Variants in PLCG2 observed in about 807,000 individuals in gnomAD.
PLCG2 encodes phospholipase C gamma 2, also known as 1-phosphatidylinositol 4,5-bisphosphate phosphodiesterase gamma-2.
Under a neutral mutation model 175.6 loss-of-function variants are expected in PLCG2, and 69 were observed. The observed-to-expected ratio is 0.39, with a 90% confidence interval of 0.32 to 0.48. PLCG2 has a LOEUF of 0.48. PLCG2 is among the 20% of genes least tolerant of loss of function. The pLI is 0.91. For missense variants in PLCG2, 1,798 were observed against 1,650.9 expected (o/e 1.09, Z -1.54); for synonymous variants, 827 against 624.0 (o/e 1.33, Z -4.85).
At chr16:81,874,699 C>T (rs7200626) in intron 7 of PLCG2, among the ~76,000 whole-genome samples, 84,582 of 151,938 alleles carry the variant, frequency 0.56, 23,987 homozygotes, top group Middle Eastern at 0.63. Context: ...TGCTTATCAG[C>T]AGCCAAATGG....
At chr16:81,906,859 G>A (rs985240685) in intron 15 of PLCG2, among the ~76,000 whole-genome samples, 1 of 152,112 alleles carries the variant, frequency 6.6e-6, no homozygotes, top group Non-Finnish European at 1.5e-5. Flanking sequence ...CTAACATGGC[G>A]AATCCCCGTC....
At chr16:81,822,481 G>T (rs1376506278) in intron 2 of PLCG2, among the ~76,000 whole-genome samples, 1 of 152,160 alleles carries the variant, frequency 6.6e-6, no homozygotes, top group Non-Finnish European at 1.5e-5. Flanking sequence ...GCGGGGCTGG[G>T]GGCAGTGGCT....
At chr16:81,846,945 G>T (rs1567495567) in intron 2 of PLCG2, among the ~76,000 whole-genome samples, 1 of 152,044 alleles carries the variant, frequency 6.6e-6, no homozygotes, top group East Asian at 1.9e-4. Context: ...CACCAGTTTG[G>T]TGTCCTCTAG....
chr16:81,818,462 C>T (rs1211342874), intron 2 of PLCG2, among the ~76,000 whole-genome samples: 1 of 152,134 alleles, frequency 6.6e-6, no homozygotes, highest in African/African-American at 2.4e-5. Flanking sequence ...CCAGGTAGAC[C>T]ATAGATGCTG....
At chr16:81,805,323 C>T (rs1169418580) in intron 2 of PLCG2, among the ~76,000 whole-genome samples, 1 of 151,916 alleles carries the variant, frequency 6.6e-6, no homozygotes, top group Non-Finnish European at 1.5e-5. Flanking sequence ...CACGGTGAAA[C>T]TCTGTCTCTA....
At chr16:81,868,530 G>A (rs1310182512) in intron 5 of PLCG2, among the ~76,000 whole-genome samples, 1 of 152,206 alleles carries the variant, frequency 6.6e-6, no homozygotes, top group Non-Finnish European at 1.5e-5. Context: ...GGCAGGTAGA[G>A]TCAGTAGGAG....
At chr16:81,887,112 A>T (rs1403927467) in intron 9 of PLCG2, among the ~76,000 whole-genome samples, 1 of 151,806 alleles carries the variant, frequency 6.6e-6, no homozygotes, top group Non-Finnish European at 1.5e-5. Context: ...TTGGCCAGGC[A>T]AAGTTGTTTT....
At chr16:81,918,601 G>T (rs1005540062) in intron 19 of PLCG2, among the ~76,000 whole-genome samples, 1 of 152,034 alleles carries the variant, frequency 6.6e-6, no homozygotes, top group Non-Finnish European at 1.5e-5. Context: ...TGTTCCACTG[G>T]TCTGTGTGTC....
At chr16:81,928,481 CG>C in intron 23 of PLCG2, 76 bp from the exon 24 acceptor site, 1 of 895,848 alleles carries the variant, frequency 1.1e-6, no homozygotes, top group Non-Finnish European at 1.9e-6. Context: ...CTCTGCTAAA[CG>C]GTGTGCTTTG....
chr16:81,739,526 G>C (rs1909536802), intron 1 of PLCG2: 1 of 152,250 alleles, frequency 6.6e-6, no homozygotes, highest in Non-Finnish European at 1.5e-5. Context: ...TGCTGAGGAT[G>C]GGTCACCTGA....
Position 81,959,940 on chromosome 16 carries a change from A to C in PLCG2, c.*1942A>C, listed in dbSNP as rs1911719840. 1 of 200,842 alleles carries C rather than the reference A, an allele frequency of 5.0e-6. No individual in the cohort carries two copies. The highest frequency in any genetic ancestry group is 1.0e-5 in the Non-Finnish European group (1 of 97,478). 12.4% of individuals were successfully genotyped at this position (200,842 alleles called of 1,614,324 possible). A position where few individuals can be genotyped will look rare whatever the true frequency, so the allele number is the denominator to read the frequency against. ...AAGGCCTGCATCCCCTTTCTGCCCA[A>C]ATGGGTTTTTTGCTACCATATCAAA... On this transcript the variant is annotated 3_prime_UTR_variant, in exon 33 of 33. Transcript: ENST00000564138.
intron 2 of PLCG2, among the ~76,000 whole-genome samples, chr16:81,826,957 T>C (rs1482375909): frequency 6.6e-6 from 1 of 152,220 alleles, no homozygotes; most frequent in Non-Finnish European, 1.5e-5. Context: ...GTGGATCCGA[T>C]GAGATGACTG....
intron 19 of PLCG2, among the ~76,000 whole-genome samples, chr16:81,915,922 C>G (rs960986508): frequency 6.6e-6 from 1 of 152,182 alleles, no homozygotes; most frequent in African/African-American, 2.4e-5. Context: ...TGTGGTCCTT[C>G]TAATCTCAGT....
At chr16:81,796,970 C>T (rs942877447) in intron 2 of PLCG2, among the ~76,000 whole-genome samples, 5 of 152,200 alleles carry the variant, frequency 3.3e-5, no homozygotes, top group African/African-American at 1.2e-4. Context: ...GATTGACCTA[C>T]CCATTCAGCC....
chr16:81,913,368 TC>T (rs1202843723), intron 19 of PLCG2, among the ~76,000 whole-genome samples: 1 of 152,224 alleles, frequency 6.6e-6, no homozygotes, highest in African/African-American at 2.4e-5. Context: ...CAAGGCCTCA[TC>T]TGATTGAATC....
intron 1 of PLCG2, among the ~76,000 whole-genome samples, chr16:81,784,777 C>G (rs183213496): frequency 5.3e-5 from 8 of 152,066 alleles, no homozygotes; most frequent in Admixed American, 5.2e-4. Flanking sequence ...GGAAATGAGC[C>G]CAGAGGATCT....
chr16:81,825,845 C>G (rs1381821548), intron 2 of PLCG2, among the ~76,000 whole-genome samples: 3 of 152,136 alleles, frequency 2.0e-5, no homozygotes, highest in Admixed American at 2.0e-4. Context: ...TTCAGGGGTT[C>G]AAGTCTTAGG....
At chr16:81,808,145 G>T (rs1166812065) in intron 2 of PLCG2, among the ~76,000 whole-genome samples, 1 of 150,936 alleles carries the variant, frequency 6.6e-6, no homozygotes, top group African/African-American at 2.4e-5. Context: ...CTTTCTCTTG[G>T]GTGTACACCT....
chr16:81,907,542 C>T, intron 15 of PLCG2, 143 bp from the exon 16 acceptor site: 2 of 535,342 alleles, frequency 3.7e-6, no homozygotes, highest in Non-Finnish European at 3.4e-6. Context: ...GAATTGAATT[C>T]AGAGAATTCG....
Sources: allele counts gnomAD v4.1 joint callset (sites outside exome capture counted in the v4.1 genomes callset), GRCh38; gene constraint gnomAD v4.1.1; transcripts MANE v1.5; gene names NCBI Gene and HGNC (gene_info 2026-07-23, HGNC 2026-07-21).